Variants in KCND2 observed in about 807,000 individuals in gnomAD.
The protein encoded by KCND2 is potassium voltage-gated channel subfamily D member 2, also known as A-type voltage-gated potassium channel KCND2.
A neutral mutation model predicts 54.4 loss-of-function variants in KCND2; 16 were observed. That is an observed-to-expected ratio of 0.29 (90% CI 0.20 to 0.45). The LOEUF (loss-of-function observed/expected upper bound fraction) is 0.45, where lower values mean the gene tolerates loss of function less well. Among genes scored for constraint, KCND2 ranks in the 20% least tolerant of loss-of-function variants. KCND2 has a pLI of 1.00. For synonymous variants in KCND2, 317 were observed against 310.7 expected, an observed-to-expected ratio of 1.02 and a Z score of -0.21; for missense variants, 486 against 824.2, an observed-to-expected ratio of 0.59 and a Z score of 5.02.
At chr7:120,401,413 A>G (rs1324988966) in intron 1 of KCND2, among the ~76,000 whole-genome samples, 1 of 152,172 alleles carries the variant, frequency 6.6e-6, no homozygotes, top group African/African-American at 2.4e-5. Context: ...AGTTACATCT[A>G]AAACATTTAT....
chr7:120,707,944 G>C (rs898849929), intron 1 of KCND2, among the ~76,000 whole-genome samples: 9 of 152,038 alleles, frequency 5.9e-5, no homozygotes, highest in Non-Finnish European at 1.0e-4. Context: ...AAACTAGCTA[G>C]CCTGCAGTCA....
intron 1 of KCND2, among the ~76,000 whole-genome samples, chr7:120,724,220 T>A (rs969635519): frequency 6.6e-6 from 1 of 152,194 alleles, no homozygotes; most frequent in Non-Finnish European, 1.5e-5. Context: ...ACTGAACTCA[T>A]GATCTGGTAA....
chr7:120,550,755 C>G (rs1792096153), intron 1 of KCND2, among the ~76,000 whole-genome samples: 1 of 152,120 alleles, frequency 6.6e-6, no homozygotes, highest in Non-Finnish European at 1.5e-5. Flanking sequence ...TTTGTGGATC[C>G]TATCAGTTTG....
chr7:120,317,622 G>A (rs1044287871), intron 1 of KCND2, among the ~76,000 whole-genome samples: 2 of 152,138 alleles, frequency 1.3e-5, no homozygotes, highest in Non-Finnish European at 2.9e-5. Context: ...GATAGGTTTA[G>A]AATACTGCAA....
intron 1 of KCND2, among the ~76,000 whole-genome samples, chr7:120,385,167 C>T (rs1800970825): frequency 6.6e-6 from 1 of 150,952 alleles, no homozygotes; most frequent in Non-Finnish European, 1.5e-5. Context: ...CCACCACGCT[C>T]GACTATTTTT....
At chr7:120,714,402 C>A (rs1378174360) in intron 1 of KCND2, among the ~76,000 whole-genome samples, 10 of 152,034 alleles carry the variant, frequency 6.6e-5, no homozygotes, top group African/African-American at 2.4e-4. Flanking sequence ...ATATAAAAAG[C>A]ATTCAACTAT....
chr7:120,390,092 C>A (rs1202123968), intron 1 of KCND2, among the ~76,000 whole-genome samples: 6 of 151,832 alleles, frequency 4.0e-5, no homozygotes, highest in Admixed American at 1.3e-4. Flanking sequence ...GAATTAAATA[C>A]TCTATTTTTT....
At chr7:120,421,251 A>T (rs957669246) in intron 1 of KCND2, among the ~76,000 whole-genome samples, 1 of 152,310 alleles carries the variant, frequency 6.6e-6, no homozygotes, top group East Asian at 1.9e-4. Flanking sequence ...TGTATTGAGC[A>T]TTGTTACCAC....
rs1276244067 is a variant in KCND2 at position 120,741,658 on chromosome 7, T to A, written c.1374+29T>A. The A allele has an allele frequency of 4.1e-6, 6 of 1,470,752 alleles. No homozygotes were observed. The African/African-American group carries it at 8.3e-5, about 20-fold the overall frequency. The allele number at this position is 1,470,752 out of a possible 1,614,324, so 91.1% of individuals were successfully genotyped here. ...CAATCAATTACATCTCTTTTTTTAATGTTCAATTTCTTGGTTTAATATTGA... is the reference window on the plus strand; with the variant it reads ...CAATCAATTACATCTCTTTTTTTAAAGTTCAATTTCTTGGTTTAATATTGA... On this transcript the variant is annotated intron_variant, in intron 3 of 5. Coordinates refer to ENST00000331113, the MANE Select transcript of KCND2 (RefSeq NM_012281.3).
intron 1 of KCND2, among the ~76,000 whole-genome samples, chr7:120,322,852 G>T (rs2116332671): frequency 6.6e-6 from 1 of 151,748 alleles, no homozygotes; most frequent in East Asian, 1.9e-4. Flanking sequence ...TCAATTCTTT[G>T]TTTTTTATCT....
intron 1 of KCND2, among the ~76,000 whole-genome samples, chr7:120,642,350 G>A (rs1177644135): frequency 2.7e-5 from 4 of 150,038 alleles, no homozygotes; most frequent in Non-Finnish European, 5.9e-5. Context: ...AGGAGTTCCA[G>A]GAGTTCGAGA....
intron 1 of KCND2, among the ~76,000 whole-genome samples, chr7:120,496,062 G>A (rs2116308983): frequency 6.6e-6 from 1 of 152,186 alleles, no homozygotes. Context: ...CATTATCGAA[G>A]GTTGTTGAAA....
intron 1 of KCND2, among the ~76,000 whole-genome samples, chr7:120,570,200 C>T (rs938966372): frequency 6.6e-6 from 1 of 152,000 alleles, no homozygotes; most frequent in South Asian, 2.1e-4. Context: ...TGGGGTTCTC[C>T]CTTTTTTAAA....
At chr7:120,540,815 A>T (rs992914197) in intron 1 of KCND2, among the ~76,000 whole-genome samples, 31 of 144,024 alleles carry the variant, frequency 2.2e-4, no homozygotes, top group African/African-American at 8.7e-4. Flanking sequence ...CACTCTCTAT[A>T]AAAAAAAATA....
Position 120,732,892 on chromosome 7 carries a change from C to G in KCND2, c.1116-11C>G, listed in dbSNP as rs189173379. 6.2e-7 allele frequency: 1 copy of G among 1,608,414 alleles called. No homozygotes were observed. The highest frequency in any genetic ancestry group is 8.5e-7 in the Non-Finnish European group (1 of 1,175,664). ...TTAAAACAATATATATATATTTTTT[C>G]TTTAACTCAGGTATGGTGACATGGT... On this transcript the variant is annotated splice_polypyrimidine_tract_variant and intron_variant, in intron 1 of 5. Coordinates refer to ENST00000331113, the MANE Select transcript of KCND2 (RefSeq NM_012281.3).
At chr7:120,289,254 G>T in intron 1 of KCND2, among the ~76,000 whole-genome samples, 1 of 151,882 alleles carries the variant, frequency 6.6e-6, no homozygotes, top group East Asian at 1.9e-4. Context: ...CATGCTGTCC[G>T]CTGACTGTCC....
At chr7:120,639,865 A>G (rs1793349771) in intron 1 of KCND2, among the ~76,000 whole-genome samples, 2 of 152,138 alleles carry the variant, frequency 1.3e-5, no homozygotes. Context: ...ATTTGTACCA[A>G]AGCCTTAGTG....
chr7:120,678,394 C>T (rs1040199177), intron 1 of KCND2, among the ~76,000 whole-genome samples: 1 of 129,188 alleles, frequency 7.7e-6, no homozygotes, highest in African/African-American at 2.6e-5. Flanking sequence ...CATATATAGA[C>T]ACATACACAC....
chr7:120,662,948 A>G (rs758741046), intron 1 of KCND2, among the ~76,000 whole-genome samples: 8 of 152,180 alleles, frequency 5.3e-5, no homozygotes, highest in Non-Finnish European at 1.2e-4. Context: ...TCACCCTTGT[A>G]TATAAGAGTC....
Sources: gnomAD v4.1 joint callset for allele counts (sites outside exome capture counted in the v4.1 genomes callset) on GRCh38, gnomAD v4.1.1 for gene constraint, MANE v1.5 for transcripts, NCBI Gene and HGNC (gene_info 2026-07-23, HGNC 2026-07-21) for gene names.